Variants in TENM3 observed in about 807,000 individuals in gnomAD.
The protein encoded by TENM3 is teneurin transmembrane protein 3, also known as teneurin-3.
A neutral mutation model predicts 255.1 loss-of-function variants in TENM3; 63 were observed. The ratio of observed to expected loss-of-function variants is 0.25; its 90% CI spans 0.20 to 0.30. The LOEUF is 0.30. Ranked by LOEUF, TENM3 falls within the 10% of genes least tolerant of loss-of-function variation. The probability of loss-of-function intolerance (pLI) is 1.00; values close to 1 mark genes in which losing one functional copy is unlikely to be tolerated. For missense variants in TENM3, 2,929 were observed against 3,461.1 expected, an observed-to-expected ratio of 0.85 and a Z score of 3.86; for synonymous variants, 1,306 against 1,322.3, an observed-to-expected ratio of 0.99 and a Z score of 0.27.
chr4:182,434,324 G>A (rs1305165052), intron 3 of TENM3, among the ~76,000 whole-genome samples: 2 of 152,104 alleles, frequency 1.3e-5, no homozygotes, highest in African/African-American at 2.4e-5. Context: ...AACTTGCTCT[G>A]CATGTAGAAC....
the TENM3 span, among the ~76,000 whole-genome samples, chr4:182,058,962 G>GTGTGTGTGTT: frequency 6.6e-6 from 1 of 151,402 alleles, no homozygotes; most frequent in African/African-American, 2.4e-5. Flanking sequence ...GTGTGTGTGT[G>GTGTGTGTGTT]TGTGTGTGTG....
chr4:181,582,272 G>T, the TENM3 span, among the ~76,000 whole-genome samples: 10 of 152,002 alleles, frequency 6.6e-5, no homozygotes, highest in Non-Finnish European at 1.3e-4. Flanking sequence ...GCTTTGCATT[G>T]AGAAAAAGAA....
intron 5 of TENM3, among the ~76,000 whole-genome samples, chr4:182,647,676 G>T (rs1226650634): frequency 6.6e-6 from 1 of 152,110 alleles, no homozygotes; most frequent in Non-Finnish European, 1.5e-5. Flanking sequence ...AATAGTGCTG[G>T]TAAGAACATG....
intron 3 of TENM3, among the ~76,000 whole-genome samples, chr4:182,514,417 G>A (rs914605267): frequency 6.6e-6 from 1 of 152,134 alleles, no homozygotes; most frequent in East Asian, 1.9e-4. Flanking sequence ...TAATAAATTC[G>A]ATTTGGAACC....
At chr4:182,014,485 G>C in the TENM3 span, among the ~76,000 whole-genome samples, 105,804 of 151,878 alleles carry the variant, frequency 0.7, 37,604 homozygotes, top group Middle Eastern at 0.76. Context: ...AGAAGTGAGC[G>C]CATTTCCTCT....
the TENM3 span, among the ~76,000 whole-genome samples, chr4:181,585,162 A>G: frequency 6.7e-6 from 1 of 149,474 alleles, no homozygotes; most frequent in South Asian, 2.1e-4. Flanking sequence ...TATTTCAACT[A>G]AAAAAAAAAT....
chr4:181,694,472 C>T, the TENM3 span, among the ~76,000 whole-genome samples: 44,870 of 152,128 alleles, frequency 0.29, 7,303 homozygotes, highest in Admixed American at 0.49. Flanking sequence ...CACAAGCTAA[C>T]CAATGATCCA....
At chr4:182,092,156 A>G in the TENM3 span, among the ~76,000 whole-genome samples, 5 of 152,070 alleles carry the variant, frequency 3.3e-5, no homozygotes, top group Non-Finnish European at 5.9e-5. Context: ...CCTGGCCAAC[A>G]TGGTGAAGCC....
At chr4:182,317,906 T>C (rs1762839124) in intron 1 of TENM3, among the ~76,000 whole-genome samples, 1 of 152,172 alleles carries the variant, frequency 6.6e-6, no homozygotes, top group South Asian at 2.1e-4. Context: ...TACTGTTCAA[T>C]TGATATAACT....
At chr4:181,454,999 A>G in the TENM3 span, among the ~76,000 whole-genome samples, 4 of 152,022 alleles carry the variant, frequency 2.6e-5, no homozygotes, top group African/African-American at 9.7e-5. Flanking sequence ...CCAGCCCCCA[A>G]ATTATTCTCT....
chr4:182,351,633 G>T lies in TENM3; in HGVS notation c.511+4704G>T, dbSNP rs17073129. 3.3e-5 allele frequency among the ~76,000 whole-genome samples: 5 copies of T among 152,278 alleles called. No homozygotes were observed. The East Asian group carries it at 5.8e-4, about 18-fold the overall frequency. ...TGGAGAAAGATGACCTTTGATGTAA[G>T]GCAGGCCAGCAGGCGTTGGCGCTGC... On this transcript the variant is annotated intron_variant, in intron 3 of 27. Coordinates refer to ENST00000511685, the MANE Select transcript of TENM3 (RefSeq NM_001080477.4).
At chr4:181,530,826 C>T in the TENM3 span, among the ~76,000 whole-genome samples, 1 of 152,102 alleles carries the variant, frequency 6.6e-6, no homozygotes, top group Non-Finnish European at 1.5e-5. Context: ...CATGTATGTA[C>T]GTGGGTCATG....
At chr4:182,100,459 A>G in the TENM3 span, among the ~76,000 whole-genome samples, 1 of 125,772 alleles carries the variant, frequency 8.0e-6, no homozygotes, top group Non-Finnish European at 1.7e-5. Context: ...ATATATATAT[A>G]TATATATACA....
At chr4:182,290,862 C>T (rs575390986) in intron 1 of TENM3, among the ~76,000 whole-genome samples, 3 of 151,228 alleles carry the variant, frequency 2.0e-5, no homozygotes, top group Non-Finnish European at 4.4e-5. Flanking sequence ...GCTTTGTCGC[C>T]CAGGCAGGAG....
intron 1 of TENM3, among the ~76,000 whole-genome samples, chr4:182,159,437 AGTGTGTATGAGTGTGTGT>A (rs1750941303): frequency 8.2e-6 from 1 of 122,036 alleles, no homozygotes; most frequent in Admixed American, 8.9e-5. Context: ...AGCAATGGAT[AGTGTGTATGAGTGTGTGT>A]GTGTGTGTGT....
chr4:181,497,400 G>A, the TENM3 span, among the ~76,000 whole-genome samples: 1 of 152,098 alleles, frequency 6.6e-6, no homozygotes, highest in East Asian at 1.9e-4. Flanking sequence ...TCCTAGTCCA[G>A]CCTTTTATTT....
At chr4:182,554,182 T>C (rs1290129636) in intron 3 of TENM3, among the ~76,000 whole-genome samples, 3 of 152,246 alleles carry the variant, frequency 2.0e-5, no homozygotes, top group African/African-American at 7.2e-5. Flanking sequence ...CTGAGTTTTA[T>C]CTCTTCTTCA....
At chr4:182,573,120 A>G (rs1201009489) in intron 3 of TENM3, among the ~76,000 whole-genome samples, 1 of 152,120 alleles carries the variant, frequency 6.6e-6, no homozygotes, top group Admixed American at 6.5e-5. Context: ...GTTAATCCAC[A>G]TTTTCTACAT....
At chr4:181,574,154 A>G in the TENM3 span, among the ~76,000 whole-genome samples, 1 of 152,226 alleles carries the variant, frequency 6.6e-6, no homozygotes, top group Non-Finnish European at 1.5e-5. Context: ...CAGTTGAGGA[A>G]AAATCCTTTC....
Sources: gnomAD v4.1 joint callset for allele counts (sites outside exome capture counted in the v4.1 genomes callset) on GRCh38, gnomAD v4.1.1 for gene constraint, MANE v1.5 for transcripts, NCBI Gene and HGNC (gene_info 2026-07-23, HGNC 2026-07-21) for gene names.